The following VPS52 variants were observed in gnomAD, a reference collection of about 807,000 sequenced individuals.
The protein encoded by VPS52 is VPS52 subunit of GARP complex.
Under a neutral mutation model 98.7 loss-of-function variants are expected in VPS52, and 56 were observed. The ratio of observed to expected loss-of-function variants is 0.57; its 90% CI spans 0.46 to 0.71. The LOEUF (loss-of-function observed/expected upper bound fraction) is 0.71, where lower values mean the gene tolerates loss of function less well. VPS52 is among the 30% of genes least tolerant of loss of function. The pLI, the probability that VPS52 is intolerant of heterozygous loss-of-function variation, is 0.00. For synonymous variants in VPS52, 348 were observed against 346.4 expected (o/e 1.00, Z -0.05); for missense variants, 742 against 925.9 (o/e 0.80, Z 2.58).
chr6:33,267,822 C>T lies in VPS52; in HGVS notation c.933+43G>A. On this transcript the variant is annotated intron_variant, in intron 9 of 19. Coordinates refer to ENST00000445902, the MANE Select transcript of VPS52 (RefSeq NM_022553.6). This position sits in a 1 kb window ranked among gnomAD's most constrained non-coding sequence, Gnocchi z 4.2. ...TCCTTGCCCAGGGATGTCCCCTCCTCCCAGTCCATGTGCCCAGGAATACCT... is the reference window on the plus strand; with the variant it reads ...TCCTTGCCCAGGGATGTCCCCTCCTTCCAGTCCATGTGCCCAGGAATACCT... The T allele has an allele frequency of 6.2e-7, 1 of 1,612,978 alleles. No homozygotes were observed. Among genetic ancestry groups the T allele is most frequent in the Non-Finnish European group, 8.5e-7 (1 of 1,179,962 alleles).
In VPS52 at chr6:33,264,539, G is replaced by A. The variant is rs1033878647; in HGVS notation, c.1401-42C>T. 1.9e-6 allele frequency: 3 copies of A among 1,612,136 alleles called. No individual in the cohort carries two copies. The African/African-American group carries it at 4.0e-5, about 22-fold the overall frequency. ...AATCAGAGGTCAGCCAGCAAGGAAT[G>A]TTGGAGGGGGATGGGAGGGAGTGGG... On this transcript the variant is annotated intron_variant, in intron 13 of 19. Coordinates refer to ENST00000445902, the MANE Select transcript of VPS52 (RefSeq NM_022553.6).
intron 17 of VPS52, among the ~76,000 whole-genome samples, chr6:33,262,334 C>T (rs1233878573): frequency 6.6e-6 from 1 of 152,184 alleles, no homozygotes; most frequent in Admixed American, 6.5e-5. Flanking sequence ...CATCTCACTC[C>T]AGTCAGAATG....
intron 17 of VPS52, among the ~76,000 whole-genome samples, chr6:33,259,854 T>C (rs1048565066): frequency 6.6e-6 from 1 of 152,174 alleles, no homozygotes; most frequent in Admixed American, 6.5e-5. Flanking sequence ...TCTTACATAT[T>C]GCTGGTGAGA....
rs2150869553 is a variant in VPS52, at chr6:33,271,735, G to C, written c.-60C>G. 1.3e-6 allele frequency: 2 copies of C among 1,546,354 alleles called. No individual in the cohort carries two copies. Among genetic ancestry groups the C allele is most frequent in the East Asian group, 4.8e-5 (2 of 42,024 alleles). On this transcript the variant is annotated 5_prime_UTR_variant, in exon 1 of 20. Transcript: ENST00000445902. ...CGGCGAGTCCGTTCCCCGGAGTGGA[G>C]CTACAAGTCCCAAAGGGTCTTCCTC...
At chr6:33,271,061 C>A (rs1764994431) in intron 1 of VPS52, 2 of 247,336 alleles carry the variant, frequency 8.1e-6, no homozygotes, top group African/African-American at 2.2e-5. Context: ...CCTCAGACTC[C>A]TGCCATCTTG....
chr6:33,267,097 G>T lies in VPS52; in HGVS notation c.1125+91C>A. Reference sequence around the variant, plus strand: ...GTCTAAGGGGATTAAGACAGGGCCTGCAGGTTGGGAAGCTCTGCCCTGAGG... The same window carrying T: ...GTCTAAGGGGATTAAGACAGGGCCTTCAGGTTGGGAAGCTCTGCCCTGAGG... On this transcript the variant is annotated intron_variant, in intron 11 of 19. Coordinates refer to ENST00000445902, the MANE Select transcript of VPS52 (RefSeq NM_022553.6). This position sits in a 1 kb window ranked among gnomAD's most constrained non-coding sequence, Gnocchi z 4.2. 7.0e-7 allele frequency: 1 copy of T among 1,422,726 alleles called. No individual in the cohort carries two copies. 88.1% of individuals were successfully genotyped at this position (1,422,726 alleles called of 1,614,324 possible).
chr6:33,250,446 A>C lies in VPS52; in HGVS notation c.*395T>G. ...CAGAGGCAGTCACCCCTTGCCAGCA[A>C]TTCCAAGAGCTGAGGAGGCTTCATG... On this transcript the variant is annotated 3_prime_UTR_variant, in exon 20 of 20. Transcript: ENST00000445902. 5.4e-6 allele frequency: 1 copy of C among 186,042 alleles called. No individual in the cohort carries two copies. Among genetic ancestry groups the C allele is most frequent in the Non-Finnish European group, 1.1e-5 (1 of 90,546 alleles). 11.5% of individuals were successfully genotyped at this position (186,042 alleles called of 1,614,324 possible).
Position 33,251,941 on chromosome 6 carries a change from A to G in VPS52, c.1825T>C (p.Phe609Leu). 1.9e-6 allele frequency: 3 copies of G among 1,613,102 alleles called. No homozygotes were observed. The highest frequency in any genetic ancestry group is 2.5e-6 in the Non-Finnish European group (3 of 1,180,000). Residue 609 changes from phenylalanine to leucine, a missense_variant, in exon 18 of 20, where the codon TTT becomes CTT. Physicochemically the swap from Phe to Leu is conservative, Grantham distance 22. Coordinates refer to ENST00000445902, the MANE Select transcript of VPS52 (RefSeq NM_022553.6). ...EFIEELLSPPFGGLVAFVKEA... is the reference protein window; with the variant it reads ...EFIEELLSPPLGGLVAFVKEA... The stretch of plus-strand genomic sequence containing the variant: ...TTCACAAATGCCACTAAACCCCCAA[A>G]AGGGGGAGACAGCAACTCTTCAATG...
At chr6:33,265,851 AC>A (rs1764238959) in intron 12 of VPS52, among the ~76,000 whole-genome samples, 2 of 132,096 alleles carry the variant, frequency 1.5e-5, no homozygotes, top group African/African-American at 5.1e-5. Flanking sequence ...GGGGAGTAAC[AC>A]TGTGACAAGT....
Position 33,268,762 on chromosome 6 carries a change from G to T in VPS52, c.549-113C>A. The T allele has an allele frequency of 7.6e-7, 1 of 1,317,624 alleles. No homozygotes were observed. Among genetic ancestry groups the T allele is most frequent in the Non-Finnish European group, 1.0e-6 (1 of 985,022 alleles). 81.6% of individuals were successfully genotyped at this position (1,317,624 alleles called of 1,614,324 possible). On this transcript the variant is annotated intron_variant, in intron 6 of 19. Coordinates refer to ENST00000445902, the MANE Select transcript of VPS52 (RefSeq NM_022553.6). The surrounding 1 kb of genome is among the most constrained non-coding windows in gnomAD (Gnocchi z 4.0). Reference sequence around the variant, plus strand: ...CCTGTCATCTCTACCACCTTGCATTGTACCATATAGTCAGGACACATGTAC... The same window carrying T: ...CCTGTCATCTCTACCACCTTGCATTTTACCATATAGTCAGGACACATGTAC...
Position 33,263,877 on chromosome 6 carries a change from C to T in VPS52, c.1623G>A (p.Val541=). 6.2e-7 allele frequency: 1 copy of T among 1,614,206 alleles called. No individual in the cohort carries two copies. The highest frequency in any genetic ancestry group is 8.5e-7 in the Non-Finnish European group (1 of 1,180,034). The change falls in exon 16 of 20, where the codon GTG becomes GTA. Residue 541 remains valine (V), a splice_region_variant and synonymous_variant. Transcript: ENST00000445902. The stretch of plus-strand genomic sequence containing the variant: ...CTCGGAGGACAAAATTCTCCACCTC[C>T]ACCTGAAAAGGCAGAGAGGAAGAGG... ...RTMQLLGQLQ[V]EVENFVLRVA... is the part of the protein sequence containing the mutation.
chr6:33,270,107 T>A (rs1441532842), intron 2 of VPS52, 56 bp from the exon 3 acceptor site: 4 of 1,613,230 alleles, frequency 2.5e-6, no homozygotes, highest in Non-Finnish European at 3.4e-6. Flanking sequence ...CTCCCCACAT[T>A]GAGTATCTGC....
intron 11 of VPS52, 143 bp from the exon 12 acceptor site, chr6:33,266,855 G>C (rs932736285): frequency 3.5e-6 from 4 of 1,148,624 alleles, no homozygotes; most frequent in African/African-American, 3.1e-5. Context: ...GGCTGTCTAA[G>C]AGCAAGCTGA....
At position 33,251,860 on chromosome 6, in the gene VPS52, C is replaced by T. The variant is rs1274369906; in HGVS notation, c.1906G>A (p.Ala636Thr). 1 of 1,613,386 alleles carries T rather than the reference C, an allele frequency of 6.2e-7. No homozygotes were observed. The highest frequency in any genetic ancestry group is 1.3e-5 in the African/African-American group (1 of 74,898). ...CATCATTACCATATTTTCCTCATAC[C>T]TTCTTCCCCTCGAAGTCGCTCAGCC... ...GQAERLRGEE[A>T]RVTQLIRGFG... is the part of the protein sequence containing the mutation. Residue 636 changes from alanine (A) to threonine (T), a missense_variant and splice_region_variant, in exon 18 of 20, where the codon GCC becomes ACC. Transcript: ENST00000445902.
At position 33,271,647 on chromosome 6, in the gene VPS52, G is replaced by A. The variant is rs1244319311; in HGVS notation, c.29C>T (p.Ala10Val). The change falls in exon 1 of 20, where the codon GCG becomes GTG. Residue 10 changes from alanine to valine, a missense_variant. This residue lies in a region of VPS52 where 152 missense variants were observed against 132.6 expected (regional missense o/e 1.15). Coordinates refer to ENST00000445902, the MANE Select transcript of VPS52 (RefSeq NM_022553.6). ...AGCCCGCAACACCAGTTCCCGGGCC[G>A]CAGCCGCCATGGTCGCAGCGGCGGC... MAAAATMAA[A>V]ARELVLRAGT... 2 of 1,610,126 alleles carry A rather than the reference G, an allele frequency of 1.2e-6. No individual in the cohort carries two copies. Among genetic ancestry groups the A allele is most frequent in the Non-Finnish European group, 1.7e-6 (2 of 1,177,836 alleles).
chr6:33,250,997 G>A lies in VPS52; in HGVS notation c.2026-10C>T, dbSNP rs771796249. 1 of 1,613,026 alleles carries A rather than the reference G, an allele frequency of 6.2e-7. No homozygotes were observed. Among genetic ancestry groups the A allele is most frequent in the Non-Finnish European group, 8.5e-7 (1 of 1,180,014 alleles). On this transcript the variant is annotated splice_polypyrimidine_tract_variant and intron_variant, in intron 19 of 19. Transcript: ENST00000445902. ...GCTGGGTCAGCGCTCCCTGGTCAAA[G>A]AAAGTCATTGAGGGATCAAACCGTA...
At chr6:33,256,463 C>CAAAAAAAAAAAAAAAAAAAAAAAAA (rs9280385) in intron 17 of VPS52, among the ~76,000 whole-genome samples, 4 of 83,744 alleles carry the variant, frequency 4.8e-5, no homozygotes, top group Admixed American at 2.7e-4. Context: ...AAACCTGTCT[C>CAAAAAAAAAAAAAAAAAAAAAAAAA]AAAAAAAAAA....
intron 17 of VPS52, among the ~76,000 whole-genome samples, chr6:33,256,117 T>C (rs1454137929): frequency 6.6e-6 from 1 of 152,034 alleles, no homozygotes; most frequent in Non-Finnish European, 1.5e-5. Context: ...ACATACGTAT[T>C]ATACCCACCT....
At position 33,264,044 on chromosome 6, in the gene VPS52, A is replaced by T; in HGVS notation, c.1584T>A (p.Pro528=). Residue 528 remains proline, a synonymous_variant, in exon 15 of 20, where the codon CCT becomes CCA. Coordinates refer to ENST00000445902, the MANE Select transcript of VPS52 (RefSeq NM_022553.6). ...SALVSINQTI[P]NERTMQLLGQ... Reference sequence around the variant, plus strand: ...CCAGCAATTGCATGGTCCGTTCATTAGGAATTGTCTGGTTGATACTGACAA... The same window carrying T: ...CCAGCAATTGCATGGTCCGTTCATTTGGAATTGTCTGGTTGATACTGACAA... 1 of 1,614,250 alleles carries T rather than the reference A, an allele frequency of 6.2e-7. No homozygotes were observed. Among genetic ancestry groups the T allele is most frequent in the Non-Finnish European group, 8.5e-7 (1 of 1,180,042 alleles).
Sources: allele counts gnomAD v4.1 joint callset (sites outside exome capture counted in the v4.1 genomes callset), GRCh38; gene constraint gnomAD v4.1.1; regional missense constraint gnomAD v4.1.1; non-coding constraint Gnocchi (gnomAD v3.1); transcripts MANE v1.5; gene names NCBI Gene and HGNC (gene_info 2026-07-23, HGNC 2026-07-21).